The following HK3 variants were observed in gnomAD, a reference collection of about 807,000 sequenced individuals.
The protein encoded by HK3 is hexokinase 3, also known as hexokinase-3.
A neutral mutation model predicts 91.0 loss-of-function variants in HK3; 93 were observed. That is an observed-to-expected ratio of 1.02 (90% CI 0.86 to 1.21). The LOEUF is 1.21. Ranked by LOEUF, HK3 falls within the 50% of genes most tolerant of loss-of-function variation. HK3 has a pLI of 0.00. For synonymous variants in HK3, 519 were observed against 516.9 expected (o/e 1.00, Z -0.06); for missense variants, 1,235 against 1,247.4 (o/e 0.99, Z 0.15).
intron 6 of HK3, 53 bp downstream of exon 6, chr5:176,890,582 G>A: frequency 6.6e-7 from 1 of 1,507,702 alleles, no homozygotes. Context: ...ACGCATGTGT[G>A]CCAGGCCCAG....
At chr5:176,885,645 A>C (rs533068363) in intron 13 of HK3, among the ~76,000 whole-genome samples, 26 of 151,962 alleles carry the variant, frequency 1.7e-4, no homozygotes, top group Admixed American at 4.6e-4. Flanking sequence ...TGGTCTTGAA[A>C]TCCTGATCTC....
chr5:176,888,985 G>T, intron 8 of HK3, 121 bp from the exon 9 acceptor site: 1 of 1,156,294 alleles, frequency 8.6e-7, no homozygotes, highest in Non-Finnish European at 1.2e-6. Flanking sequence ...GGAGACTCCA[G>T]AAGCAACGAA....
chr5:176,893,322 G>T (rs1046880884), intron 2 of HK3, among the ~76,000 whole-genome samples: 4 of 152,220 alleles, frequency 2.6e-5, no homozygotes, highest in African/African-American at 7.2e-5. Context: ...GCTGATGAAA[G>T]TTGCTGGAAA....
intron 1 of HK3, among the ~76,000 whole-genome samples, chr5:176,898,783 T>G (rs1236834528): frequency 6.6e-6 from 1 of 152,128 alleles, no homozygotes; most frequent in Non-Finnish European, 1.5e-5. Context: ...CGAAGTGAGT[T>G]TTCCTCCTGA....
chr5:176,892,417 G>A (rs1758802557), intron 2 of HK3, among the ~76,000 whole-genome samples: 1 of 152,098 alleles, frequency 6.6e-6, no homozygotes, highest in African/African-American at 2.4e-5. Context: ...GGAGTGGATC[G>A]GAGTCTGAAG....
chr5:176,887,556 C>T lies in HK3; in HGVS notation c.1495G>A (p.Ala499Thr), dbSNP rs1389952218. 2.5e-6 allele frequency: 4 copies of T among 1,613,912 alleles called. No individual in the cohort carries two copies. The highest frequency in any genetic ancestry group is 1.3e-5 in the African/African-American group (1 of 75,058). ...PFRLNHDQLA[A>T]VQAQMRKAMA... ...GCCTTCCGCATCTGTGCCTGAACCG[C>T]AGCCAGTTGATCATGGTTCAACCGG... Residue 499 changes from alanine (A) to threonine (T), a missense_variant, in exon 11 of 19, where the codon GCG becomes ACG. Coordinates refer to ENST00000292432, the MANE Select transcript of HK3 (RefSeq NM_002115.3). This position sits in a 1 kb window ranked among gnomAD's most constrained non-coding sequence, Gnocchi z 4.9.
rs1259020744 is a variant in HK3, at chr5:176,884,125, G to A, written c.1867C>T (p.Leu623=). Reference sequence around the variant, plus strand: ...GCCTTGAAACCCTTGGTCCAGTTCAGGAGGATGCCCTGGGGTGAGACCGAG... The same window carrying A: ...GCCTTGAAACCCTTGGTCCAGTTCAAGAGGATGCCCTGGGGTGAGACCGAG... The part of the protein sequence containing the change: ...RQLGLDQGIL[L]NWTKGFKASD... The change falls in exon 14 of 19, where the codon CTG becomes TTG. Residue 623 remains leucine, a synonymous_variant. Coordinates refer to ENST00000292432, the MANE Select transcript of HK3 (RefSeq NM_002115.3). The surrounding 1 kb of genome is among the most constrained non-coding windows in gnomAD (Gnocchi z 4.1). 1 of 1,613,908 alleles carries A rather than the reference G, an allele frequency of 6.2e-7. No individual in the cohort carries two copies. Among genetic ancestry groups the A allele is most frequent in the Non-Finnish European group, 8.5e-7 (1 of 1,179,970 alleles).
Position 176,896,169 on chromosome 5 carries a change from C to T in HK3, c.-10G>A, listed in dbSNP as rs1399710034. ...ACCCAATGGAGTCCATGAGCTTCCACAGTGGAAGGTGGCCACCTATGGGAG... is the reference window on the plus strand; with the variant it reads ...ACCCAATGGAGTCCATGAGCTTCCATAGTGGAAGGTGGCCACCTATGGGAG... On this transcript the variant is annotated 5_prime_UTR_variant, in exon 2 of 19. It adds an upstream start codon to the 5' untranslated region. Coordinates refer to ENST00000292432, the MANE Select transcript of HK3 (RefSeq NM_002115.3). 5 of 1,589,860 alleles carry T rather than the reference C, an allele frequency of 3.1e-6. No homozygotes were observed. Among genetic ancestry groups the T allele is most frequent in the East Asian group, 2.2e-5 (1 of 44,522 alleles).
rs1303627151 is a variant in HK3, at chr5:176,889,681, G to C, written c.694C>G (p.Pro232Ala). ...DTVGTMMGCE[P>A]GVRPCEVGLV... is the part of the protein sequence containing the mutation. Reference sequence around the variant, plus strand: ...CCAACCTCACACGGCCTGACCCCCGGCTCACAGCCCATCATGGTGCCCACT... The same window carrying C: ...CCAACCTCACACGGCCTGACCCCCGCCTCACAGCCCATCATGGTGCCCACT... Residue 232 changes from proline (P) to alanine (A), a missense_variant, in exon 7 of 19, where the codon CCG (proline) becomes GCG (alanine). Pro to Ala is a conservative substitution (Grantham distance 27, BLOSUM62 -1). This residue lies in a region of HK3 where 717 missense variants were observed against 751.6 expected (regional missense o/e 0.95). Transcript: ENST00000292432. 6.2e-7 allele frequency: 1 copy of C among 1,614,036 alleles called. No homozygotes were observed. The highest frequency in any genetic ancestry group is 2.2e-5 in the East Asian group (1 of 44,886).
intron 2 of HK3, among the ~76,000 whole-genome samples, chr5:176,895,132 GCACTGCCACAATTTTGGCT>G (rs1758876489): frequency 7.1e-6 from 1 of 139,884 alleles, no homozygotes; most frequent in Non-Finnish European, 1.5e-5. Flanking sequence ...AGGCTGGAGT[GCACTGCCACAATTTTGGCT>G]CACTGCAACC....
chr5:176,887,398 C>G lies in HK3; in HGVS notation c.1600+53G>C. The G allele has an allele frequency of 1.2e-6, 2 of 1,613,116 alleles. No individual in the cohort carries two copies. Among genetic ancestry groups the G allele is most frequent in the Non-Finnish European group, 1.7e-6 (2 of 1,179,688 alleles). ...CTTGTGGCTCCAGCCCCAGCACACA[C>G]TGGGACCCCCAGGAGCCCATGTTTC... On this transcript the variant is annotated intron_variant, in intron 11 of 18. Transcript: ENST00000292432. The surrounding 1 kb of genome is among the most constrained non-coding windows in gnomAD (Gnocchi z 4.9).
chr5:176,890,843 A>G lies in HK3; in HGVS notation c.513T>C (p.Cys171=), dbSNP rs1209337400. Residue 171 remains cysteine, a synonymous_variant, in exon 5 of 19, where the codon TGT becomes TGC. Transcript: ENST00000292432. ...TCACCCTGTCCAAGCCCGTCTGGTG[A>G]CAAGGGAAAGAGAAGCTGAAGCCAA... The part of the protein sequence containing the change: ...LQLGFSFSFP[C]HQTGLDRSTL... The G allele has an allele frequency of 1.9e-6, 3 of 1,614,166 alleles. No individual in the cohort carries two copies. Among genetic ancestry groups the G allele is most frequent in the Non-Finnish European group, 2.5e-6 (3 of 1,180,044 alleles).
Position 176,896,023 on chromosome 5 carries a change from C to T in HK3, c.96+41G>A, listed in dbSNP as rs377278634. 5.2e-6 allele frequency: 8 copies of T among 1,537,510 alleles called. No individual in the cohort carries two copies. In the African/African-American group the frequency reaches 9.5e-5, roughly 18 times the overall value. On this transcript the variant is annotated intron_variant, in intron 2 of 18. Coordinates refer to ENST00000292432, the MANE Select transcript of HK3 (RefSeq NM_002115.3). ...GCTTCAGTCACGCTGCTCTTGAAGG[C>T]CTTAGACAAGCATGAAACAGGAACC... is the stretch of plus-strand genomic sequence containing the variant.
chr5:176,882,901 C>T (rs1228379342), intron 15 of HK3, among the ~76,000 whole-genome samples: 1 of 152,168 alleles, frequency 6.6e-6, no homozygotes, highest in Non-Finnish European at 1.5e-5. Context: ...CTCCCAAGTG[C>T]CTAACCGTGC....
rs377714476 is a variant in HK3, at chr5:176,896,579, G to A, written c.-26-394C>T. ...CAGGCAGTGAGCAAGATGGCCACATGTAATAGATGGACATGCTGCTGTGGT... is the reference window on the plus strand; with the variant it reads ...CAGGCAGTGAGCAAGATGGCCACATATAATAGATGGACATGCTGCTGTGGT... On this transcript the variant is annotated intron_variant, in intron 1 of 18. Coordinates refer to ENST00000292432, the MANE Select transcript of HK3 (RefSeq NM_002115.3). 2.6e-5 allele frequency among the ~76,000 whole-genome samples: 4 copies of A among 152,204 alleles called. No individual in the cohort carries two copies. The East Asian group carries it at 7.7e-4, about 29-fold the overall frequency.
chr5:176,887,319 G>A lies in HK3; in HGVS notation c.1619C>T (p.Ala540Val), dbSNP rs143577771. ...GAAGTTCGTGCCCCCGAGGTCCAGG[G>A]CCAGGAAATCCCCTCGCTCTGTGGG... ...PDGSERGDFLALDLGGTNFRV... is the reference protein window; with the variant it reads ...PDGSERGDFLVLDLGGTNFRV... The change falls in exon 12 of 19, where the codon GCC becomes GTC. Residue 540 changes from alanine to valine, a missense_variant. Physicochemically the swap from Ala to Val is moderately conservative, Grantham distance 64. This residue lies in a region of HK3 where 717 missense variants were observed against 751.6 expected (regional missense o/e 0.95). Transcript: ENST00000292432. The surrounding 1 kb of genome is among the most constrained non-coding windows in gnomAD (Gnocchi z 4.9). 2.3e-5 allele frequency: 37 copies of A among 1,613,844 alleles called. 1 individual carries two copies. In the African/African-American group the frequency reaches 3.2e-4, roughly 14 times the overall value.
intron 9 of HK3, 69 bp downstream of exon 9, chr5:176,888,640 G>A (rs1758669337): frequency 6.2e-7 from 1 of 1,611,302 alleles, no homozygotes; most frequent in Admixed American, 1.7e-5. Context: ...TGGCTACCTT[G>A]GGAACAGAGT....
chr5:176,886,486 C>T (rs1403420237), intron 13 of HK3, among the ~76,000 whole-genome samples: 3 of 151,882 alleles, frequency 2.0e-5, no homozygotes, highest in Non-Finnish European at 4.4e-5. Flanking sequence ...GACAGGCTTC[C>T]GGTGTGCACA....
At chr5:176,893,601 A>G (rs986275031) in intron 2 of HK3, among the ~76,000 whole-genome samples, 7 of 152,308 alleles carry the variant, frequency 4.6e-5, no homozygotes, top group African/African-American at 1.4e-4. Flanking sequence ...AAAGGCTGTA[A>G]TGTATGTGGA....
Sources: gnomAD v4.1 joint callset for allele counts (sites outside exome capture counted in the v4.1 genomes callset) on GRCh38, gnomAD v4.1.1 for gene constraint, gnomAD v4.1.1 regional missense constraint, Gnocchi (gnomAD v3.1) non-coding constraint, MANE v1.5 for transcripts, NCBI Gene and HGNC (gene_info 2026-07-23, HGNC 2026-07-21) for gene names.